TTC17: variants seen among roughly 807,000 people sequenced by gnomAD.
TTC17 encodes the protein tetratricopeptide repeat domain 17.
A neutral mutation model predicts 143.8 loss-of-function variants in TTC17; 58 were observed. The ratio of observed to expected loss-of-function variants is 0.40; its 90% CI spans 0.33 to 0.50. The LOEUF is 0.50. Among genes scored for constraint, TTC17 ranks in the 20% least tolerant of loss-of-function variants. TTC17 has a pLI of 0.49. For missense variants in TTC17, 1,273 were observed against 1,392.5 expected (o/e 0.91, Z 1.37); for synonymous variants, 501 against 497.8 (o/e 1.01, Z -0.09).
At chr11:43,434,465 T>C (rs1396440942) in intron 16 of TTC17, among the ~76,000 whole-genome samples, 1 of 152,200 alleles carries the variant, frequency 6.6e-6, no homozygotes, top group Non-Finnish European at 1.5e-5. Flanking sequence ...ATCTCAGATC[T>C]ACTACTTACT....
At chr11:43,403,937 A>G in intron 10 of TTC17, 61 bp from the exon 11 acceptor site, 2 of 1,446,510 alleles carry the variant, frequency 1.4e-6, no homozygotes, top group Non-Finnish European at 1.9e-6. Context: ...TGTGAGTTAA[A>G]TTATAATCAC....
At chr11:43,438,192 C>T (rs1214846574) in intron 16 of TTC17, among the ~76,000 whole-genome samples, 3 of 152,198 alleles carry the variant, frequency 2.0e-5, no homozygotes. Flanking sequence ...GAGTCTCACT[C>T]TGTCACCCAG....
At chr11:43,417,875 T>C (rs1286695776) in intron 16 of TTC17, among the ~76,000 whole-genome samples, 1 of 152,190 alleles carries the variant, frequency 6.6e-6, no homozygotes, top group African/African-American at 2.4e-5. Flanking sequence ...TAAACAATTA[T>C]TTTTACAGCA....
intron 21 of TTC17, among the ~76,000 whole-genome samples, chr11:43,489,063 A>C (rs1397196962): frequency 6.6e-6 from 1 of 152,152 alleles, no homozygotes. Flanking sequence ...GATCACTAAA[A>C]AACCAAATTC....
intron 16 of TTC17, among the ~76,000 whole-genome samples, chr11:43,428,022 A>G (rs1947069808): frequency 6.6e-6 from 1 of 152,194 alleles, no homozygotes; most frequent in African/African-American, 2.4e-5. Context: ...GTAGATACAA[A>G]TCTCCTTTTA....
chr11:43,383,455 C>T (rs896983633), intron 2 of TTC17, among the ~76,000 whole-genome samples: 2 of 152,080 alleles, frequency 1.3e-5, no homozygotes, highest in South Asian at 2.1e-4. Context: ...GGGGTTCAAG[C>T]GATTCTCCTG....
At chr11:43,448,192 C>A in intron 19 of TTC17, 70 bp downstream of exon 19, 1 of 1,575,108 alleles carries the variant, frequency 6.3e-7, no homozygotes, top group Non-Finnish European at 8.6e-7. Flanking sequence ...CTTTAAGGAT[C>A]CCCTCTTAGC....
intron 21 of TTC17, among the ~76,000 whole-genome samples, chr11:43,466,116 G>A (rs1335041586): frequency 2.0e-5 from 3 of 151,928 alleles, no homozygotes; most frequent in Non-Finnish European, 4.4e-5. Flanking sequence ...AATATACAAA[G>A]GACTTGAATG....
Position 43,491,778 on chromosome 11 carries a change from G to C in TTC17, c.3151-242G>C, listed in dbSNP as rs2134496856. On this transcript the variant is annotated intron_variant, in intron 22 of 23. Transcript: ENST00000039989. ...ATTCAGCAGATTGTTTACTTCAGCT[G>C]ACATTTTGTTGTGTTTGTTTTCGAA... 4 of 516,956 alleles carry C rather than the reference G, an allele frequency of 7.7e-6. No homozygotes were observed. The South Asian group carries it at 1.0e-4, about 13-fold the overall frequency. 32.0% of individuals were successfully genotyped at this position (516,956 alleles called of 1,614,324 possible).
intron 21 of TTC17, among the ~76,000 whole-genome samples, chr11:43,477,856 T>C (rs1948213863): frequency 1.3e-5 from 2 of 152,186 alleles, no homozygotes; most frequent in South Asian, 4.1e-4. Flanking sequence ...GGAAAGTCTC[T>C]CTAGGAATAT....
chr11:43,487,008 C>T (rs146989038), intron 21 of TTC17, among the ~76,000 whole-genome samples: 151 of 152,208 alleles, frequency 9.9e-4, no homozygotes, highest in African/African-American at 3.3e-3. Context: ...ATGATCACAC[C>T]ACTGCACTCC....
chr11:43,423,509 A>T (rs1374859518), intron 16 of TTC17, among the ~76,000 whole-genome samples: 4 of 152,026 alleles, frequency 2.6e-5, no homozygotes, highest in Non-Finnish European at 4.4e-5. Context: ...AGGGTCATGA[A>T]GTTTAGAAGA....
At position 43,494,888 on chromosome 11, in the gene TTC17, AG is replaced by A. The variant is rs1187337232; in HGVS notation, c.*987del. The A allele has an allele frequency of 1.3e-5, 2 of 152,200 alleles. No homozygotes were observed. The highest frequency in any genetic ancestry group is 4.8e-5 in the African/African-American group (2 of 41,450). The allele number at this position is 152,200 out of a possible 1,614,324, so 9.4% of individuals were successfully genotyped here. On this transcript the variant is annotated 3_prime_UTR_variant, in exon 24 of 24. Transcript: ENST00000039989. Reference sequence around the variant, plus strand: ...AAACTCCAACATTTTGGAATCTTCAAGGGCACATACTGAGAAAAAAAATAAA... The same window carrying A: ...AAACTCCAACATTTTGGAATCTTCAAGGCACATACTGAGAAAAAAAATAAA...
chr11:43,467,848 G>C (rs141171474), intron 21 of TTC17, among the ~76,000 whole-genome samples: 2 of 150,854 alleles, frequency 1.3e-5, no homozygotes, highest in Non-Finnish European at 3.0e-5. Flanking sequence ...GGGAGATAAG[G>C]CAATAAAGGA....
chr11:43,362,267 C>T (rs1181274516), intron 1 of TTC17, among the ~76,000 whole-genome samples: 1 of 152,050 alleles, frequency 6.6e-6, no homozygotes, highest in Non-Finnish European at 1.5e-5. Context: ...GATCCGCCCA[C>T]CTTGGCCTCT....
chr11:43,444,476 A>T (rs1219685876), intron 18 of TTC17: 2 of 245,702 alleles, frequency 8.1e-6, no homozygotes, highest in Admixed American at 1.1e-4. Flanking sequence ...TGCTCTTTCC[A>T]TGTGGAAAGA....
chr11:43,422,395 G>T (rs1447728693), intron 16 of TTC17, among the ~76,000 whole-genome samples: 3 of 152,110 alleles, frequency 2.0e-5, no homozygotes, highest in Non-Finnish European at 2.9e-5. Context: ...TATAATGATG[G>T]GGAAGAGACC....
At chr11:43,443,221 C>T in intron 16 of TTC17, 104 bp from the exon 17 acceptor site, 1 of 1,415,444 alleles carries the variant, frequency 7.1e-7, no homozygotes. Flanking sequence ...AGTAGTGCCT[C>T]TAAGCAGAGC....
intron 19 of TTC17, 25 bp downstream of exon 19, chr11:43,448,147 C>T (rs114454527): frequency 7.4e-6 from 12 of 1,612,812 alleles, no homozygotes; most frequent in Non-Finnish European, 1.0e-5. Flanking sequence ...CCTCTCCCTC[C>T]TTTATGGCAT....
Sources: allele counts gnomAD v4.1 joint callset (sites outside exome capture counted in the v4.1 genomes callset), GRCh38; gene constraint gnomAD v4.1.1; transcripts MANE v1.5; gene names NCBI Gene and HGNC (gene_info 2026-07-23, HGNC 2026-07-21).